ST7L: variants seen among roughly 807,000 people sequenced by gnomAD.
ST7L encodes suppression of tumorigenicity 7 like.
ST7L carries 57 observed loss-of-function variants against 72.5 expected under a neutral mutation model. The observed-to-expected ratio is 0.79, with a 90% CI of 0.64 to 0.98. ST7L has a LOEUF of 0.98. ST7L is among the 50% of genes least tolerant of loss of function. The pLI is 0.00. For synonymous variants in ST7L, 221 were observed against 240.9 expected (o/e 0.92, Z 0.77); for missense variants, 576 against 672.2 (o/e 0.86, Z 1.58).
At chr1:112,579,178 T>C (rs1166872145) in intron 9 of ST7L, among the ~76,000 whole-genome samples, 3 of 151,434 alleles carry the variant, frequency 2.0e-5, no homozygotes, top group African/African-American at 7.3e-5. Context: ...AGGTCAGGAG[T>C]TCGAGACCAA....
At chr1:112,563,930 A>T (rs1450808758) in intron 11 of ST7L, among the ~76,000 whole-genome samples, 1 of 152,214 alleles carries the variant, frequency 6.6e-6, no homozygotes, top group African/African-American at 2.4e-5. Flanking sequence ...TCCTCTTAAA[A>T]GCAGAGGTTA....
rs377730846 is a variant in ST7L at position 112,534,614 on chromosome 1, TA to T, written c.1629+7336del. On this transcript the variant is annotated intron_variant, in intron 14 of 14. Transcript: ENST00000358039. ...AGCCAAACTCCACCAAGATAAAAGC[TA>T]AAAACTATTCCTCAATATTATAATT... 5.5e-3 allele frequency among the ~76,000 whole-genome samples: 837 copies of T among 152,314 alleles called. 3 individuals are homozygous for T. The highest frequency in any genetic ancestry group is 0.027 in the Middle Eastern group (8 of 294).
intron 5 of ST7L, among the ~76,000 whole-genome samples, chr1:112,597,194 A>G (rs1558037242): frequency 6.6e-6 from 1 of 152,256 alleles, no homozygotes; most frequent in Non-Finnish European, 1.5e-5. Context: ...GTTTAATTCT[A>G]TGACAAGGAA....
Position 112,542,046 on chromosome 1 carries a change from A to G in ST7L, c.1534T>C (p.Phe512Leu). 1.9e-6 allele frequency: 3 copies of G among 1,613,178 alleles called. No homozygotes were observed. The highest frequency in any genetic ancestry group is 2.5e-6 in the Non-Finnish European group (3 of 1,179,708). The change falls in exon 14 of 15, where the codon TTC (phenylalanine) becomes CTC (leucine). Residue 512 changes from phenylalanine (F) to leucine (L), a missense_variant. Phe to Leu is a conservative substitution (Grantham distance 22). This residue lies in a region of ST7L where 511 missense variants were observed against 600.7 expected (regional missense o/e 0.85). Coordinates refer to ENST00000358039, the MANE Select transcript of ST7L (RefSeq NM_017744.5). ...SVYPKKELPL[F>L]IHFTAGFCSS... ...CAAAATCCTGCTGTGAAATGGATGA[A>G]CAAAGGAAGCTCCTTTTTTGGGTAA... is the stretch of plus-strand genomic sequence containing the variant.
intron 6 of ST7L, 104 bp downstream of exon 6, chr1:112,591,421 G>A (rs1665702675): frequency 2.3e-6 from 2 of 888,352 alleles, no homozygotes; most frequent in South Asian, 1.8e-5. Context: ...AAAAGGAAAT[G>A]ACTAATGACT....
chr1:112,616,705 T>G (rs578234433), intron 2 of ST7L, 108 bp downstream of exon 2: 563 of 697,342 alleles, frequency 8.1e-4, no homozygotes, highest in Admixed American at 1.1e-3. Flanking sequence ...ATCATGCCAC[T>G]GCACTCCAGC....
intron 12 of ST7L, 30 bp from the exon 13 acceptor site, chr1:112,550,723 C>G (rs1433492402): frequency 3.9e-6 from 6 of 1,545,102 alleles, no homozygotes; most frequent in Non-Finnish European, 5.3e-6. Context: ...TGTTGATACT[C>G]AATTCTGTCT....
At chr1:112,540,626 A>C (rs1437882164) in intron 14 of ST7L, 1 of 985,300 alleles carries the variant, frequency 1.0e-6, no homozygotes, top group East Asian at 1.1e-4. Context: ...ACCTTCAGGG[A>C]AAAAGGGAAA....
At chr1:112,605,646 C>T (rs1218570127) in intron 3 of ST7L, among the ~76,000 whole-genome samples, 3 of 151,960 alleles carry the variant, frequency 2.0e-5, no homozygotes, top group South Asian at 2.1e-4. Context: ...GTCGAGATCA[C>T]GCCACTGCAC....
intron 3 of ST7L, among the ~76,000 whole-genome samples, 173 bp from the exon 4 acceptor site, chr1:112,601,021 T>G (rs563615121): frequency 6.6e-6 from 1 of 152,252 alleles, no homozygotes; most frequent in East Asian, 1.9e-4. Context: ...TCCTTATTTC[T>G]GTCTCCATAG....
At chr1:112,582,302 A>G (rs1468149195) in intron 8 of ST7L, 73 bp downstream of exon 8, 3 of 1,140,184 alleles carry the variant, frequency 2.6e-6, no homozygotes, top group Non-Finnish European at 3.8e-6. Context: ...CTGCATTAAA[A>G]TAACTGGCAA....
intron 10 of ST7L, among the ~76,000 whole-genome samples, chr1:112,577,632 G>C (rs1663353823): frequency 6.6e-6 from 1 of 151,698 alleles, no homozygotes; most frequent in Non-Finnish European, 1.5e-5. Context: ...GGTAAAGAAG[G>C]CCTTCAGGAG....
At chr1:112,563,775 T>C in intron 11 of ST7L, among the ~76,000 whole-genome samples, 1 of 152,210 alleles carries the variant, frequency 6.6e-6, no homozygotes, top group African/African-American at 2.4e-5. Flanking sequence ...ATGCTTACAC[T>C]CAAATTTACT....
intron 11 of ST7L, among the ~76,000 whole-genome samples, chr1:112,569,725 G>A (rs190294345): frequency 3.0e-4 from 46 of 152,316 alleles, no homozygotes; most frequent in Middle Eastern, 3.4e-3. Flanking sequence ...ATGGGAGGCC[G>A]AGGCGGGTGG....
intron 14 of ST7L, chr1:112,541,673 T>C (rs1656123573): frequency 1.7e-6 from 1 of 578,562 alleles, no homozygotes; most frequent in African/African-American, 1.9e-5. Context: ...TAGTAACAAA[T>C]GCTGTTTATC....
chr1:112,578,542 G>A (rs1663523911), intron 9 of ST7L, 125 bp from the exon 10 acceptor site: 1 of 785,288 alleles, frequency 1.3e-6, no homozygotes, highest in Non-Finnish European at 2.2e-6. Flanking sequence ...TAGGGAGGCT[G>A]AGGCGGGTGG....
chr1:112,599,097 T>A lies in ST7L; in HGVS notation c.507-1011A>T, dbSNP rs1477526319. Reference sequence around the variant, plus strand: ...AAATATATATATATATATATATATATATATATATATATATGTGGATGTGTG... The same window carrying A: ...AAATATATATATATATATATATATAAATATATATATATATGTGGATGTGTG... On this transcript the variant is annotated intron_variant, in intron 4 of 14. Transcript: ENST00000358039. 1.1e-3 allele frequency among the ~76,000 whole-genome samples: 89 copies of A among 80,314 alleles called. 7 individuals carry two copies. The highest frequency in any genetic ancestry group is 7.6e-3 in the East Asian group (20 of 2,636). 52.7% of individuals were successfully genotyped at this position (80,314 alleles called of 152,430 possible). A position where few individuals can be genotyped will look rare whatever the true frequency, so the allele number is the denominator to read the frequency against.
intron 6 of ST7L, among the ~76,000 whole-genome samples, chr1:112,584,765 G>A (rs906131148): frequency 6.6e-6 from 1 of 152,180 alleles, no homozygotes; most frequent in Non-Finnish European, 1.5e-5. Flanking sequence ...TGGGATTACA[G>A]GCGTGAGCCA....
At chr1:112,605,291 G>T (rs935617809) in intron 3 of ST7L, among the ~76,000 whole-genome samples, 1 of 152,052 alleles carries the variant, frequency 6.6e-6, no homozygotes, top group African/African-American at 2.4e-5. Context: ...TACTCGGGAG[G>T]CTGAGGCAGG....
Sources: gnomAD v4.1 joint callset for allele counts (sites outside exome capture counted in the v4.1 genomes callset) on GRCh38, gnomAD v4.1.1 for gene constraint, gnomAD v4.1.1 regional missense constraint, MANE v1.5 for transcripts, NCBI Gene and HGNC (gene_info 2026-07-23, HGNC 2026-07-21) for gene names.